The following TEAD3 variants were observed in gnomAD, a reference collection of about 807,000 sequenced individuals.
TEAD3 encodes the protein transcriptional enhancer factor TEF-5.
TEAD3 carries 15 observed loss-of-function variants against 55.6 expected under a neutral mutation model. The observed-to-expected ratio is 0.27, with a 90% confidence interval of 0.18 to 0.42. TEAD3 has a LOEUF of 0.42. Among genes scored for constraint, TEAD3 ranks in the 10% least tolerant of loss-of-function variants. TEAD3 has a pLI of 1.00. For missense variants in TEAD3, 407 were observed against 576.8 expected, an observed-to-expected ratio of 0.71 and a Z score of 3.01; for synonymous variants, 210 against 232.2, an observed-to-expected ratio of 0.90 and a Z score of 0.87.
chr6:35,486,786 G>T lies in TEAD3; in HGVS notation c.-49-75C>A. On this transcript the variant is annotated intron_variant, in intron 1 of 12. Transcript: ENST00000639578. The surrounding 1 kb of genome is among the most constrained non-coding windows in gnomAD (Gnocchi z 7.3). ...GCAATCTCCTATCCCACAGCCGCTG[G>T]CTCTGGAGCTCCGCCCCCAGCCCCA... 1 of 1,078,860 alleles carries T rather than the reference G, an allele frequency of 9.3e-7. No individual in the cohort carries two copies. Among genetic ancestry groups the T allele is most frequent in the Non-Finnish European group, 1.3e-6 (1 of 761,850 alleles). The allele number at this position is 1,078,860 out of a possible 1,614,324, so 66.8% of individuals were successfully genotyped here.
At chr6:35,478,622 C>T in intron 5 of TEAD3, 51 bp from the exon 6 acceptor site, 1 of 1,541,382 alleles carries the variant, frequency 6.5e-7, no homozygotes, top group Non-Finnish European at 8.8e-7. Context: ...TGAGGCCAGG[C>T]TTGCTTTAGC....
rs1485979548 is a variant in TEAD3 at position 35,488,249 on chromosome 6, C to T, written c.-49-1538G>A. 1.3e-5 allele frequency among the ~76,000 whole-genome samples: 2 copies of T among 152,110 alleles called. No individual in the cohort carries two copies. The highest frequency in any genetic ancestry group is 3.9e-4 in the East Asian group (2 of 5,186). On this transcript the variant is annotated intron_variant, in intron 1 of 12. Transcript: ENST00000639578. The surrounding 1 kb of genome is among the most constrained non-coding windows in gnomAD (Gnocchi z 4.2). The stretch of plus-strand genomic sequence containing the variant: ...CGCACCTCCAGGCCCCACAGCAGCC[C>T]GTAAACCACCAACACGCCCGCCCCC...
exon 13 of TEAD3, chr6:35,474,999 G>C (rs1231003524): frequency 6.9e-7 from 1 of 1,444,228 alleles, no homozygotes; most frequent in African/African-American, 1.4e-5. Context: ...CAGGTGTGGA[G>C]AGGAGATGCT....
rs749744053 is a variant in TEAD3, at chr6:35,486,590, T to C, written c.73A>G (p.Lys25Glu). The stretch of plus-strand genomic sequence containing the variant: ...CCCTCCGCATCGTTGTCCAGCCCCT[T>C]GTCCAGGCCCTCGGGCCCATCCTCC... The change falls in exon 2 of 13, where the codon AAG (lysine) becomes GAG (glutamate). Residue 25 changes from lysine to glutamate, a missense_variant. Coordinates refer to ENST00000639578, the Ensembl canonical transcript of TEAD3. This position sits in a 1 kb window ranked among gnomAD's most constrained non-coding sequence, Gnocchi z 7.3. The C allele has an allele frequency of 6.2e-7, 1 of 1,613,530 alleles. No homozygotes were observed. Among genetic ancestry groups the C allele is most frequent in the South Asian group, 1.1e-5 (1 of 91,084 alleles).
Position 35,477,389 on chromosome 6 carries a change from A to G in TEAD3, c.531-17T>C, listed in dbSNP as rs1182265576. ...GGCTTGATGCTGCAGACAGGAGCAC[A>G]GCCTGGTGAGAGGGTTCCCTCTTCC... is the stretch of plus-strand genomic sequence containing the variant. On this transcript the variant is annotated splice_polypyrimidine_tract_variant and intron_variant, in intron 7 of 12. Transcript: ENST00000639578. The G allele has an allele frequency of 6.3e-7, 1 of 1,597,764 alleles. No individual in the cohort carries two copies. Among genetic ancestry groups the G allele is most frequent in the Admixed American group, 1.7e-5 (1 of 59,706 alleles).
At chr6:35,476,560 T>A in intron 8 of TEAD3, 125 bp from the exon 9 acceptor site, 2 of 1,147,858 alleles carry the variant, frequency 1.7e-6, no homozygotes, top group Non-Finnish European at 2.5e-6. Context: ...ACTCCCCTAC[T>A]ATGTGTCCTT....
intron 1 of TEAD3, among the ~76,000 whole-genome samples, chr6:35,490,600 A>G (rs1181537566): frequency 2.6e-5 from 4 of 152,196 alleles, no homozygotes; most frequent in African/African-American, 4.8e-5. Context: ...ACACATGGGC[A>G]GTCGTGGGCA....
chr6:35,477,283 G>T, intron 8 of TEAD3, 28 bp downstream of exon 8: 2 of 1,608,944 alleles, frequency 1.2e-6, no homozygotes. Flanking sequence ...CAGGTGCCAA[G>T]GGAGAGCACC....
At position 35,476,956 on chromosome 6, in the gene TEAD3, G is replaced by C. The variant is rs561349960; in HGVS notation, c.592+355C>G. On this transcript the variant is annotated intron_variant, in intron 8 of 12. Transcript: ENST00000639578. ...TCCTGCCTCAGCCTCCCAAGTAGCTGGGACTATAGCCATGCGCCACCACGC... is the reference window on the plus strand; with the variant it reads ...TCCTGCCTCAGCCTCCCAAGTAGCTCGGACTATAGCCATGCGCCACCACGC... Among the ~76,000 whole-genome samples, 71 of 152,312 alleles carry C rather than the reference G, an allele frequency of 4.7e-4. 1 individual carries two copies. The highest frequency in any genetic ancestry group is 1.7e-3 in the African/African-American group (69 of 41,560).
chr6:35,490,865 C>T (rs1370569137), intron 1 of TEAD3, among the ~76,000 whole-genome samples: 1 of 152,128 alleles, frequency 6.6e-6, no homozygotes, highest in South Asian at 2.1e-4. Flanking sequence ...AAGCTGACTG[C>T]GGGCGAGAGG....
Position 35,484,533 on chromosome 6 carries a change from C to T in TEAD3, c.267+27G>A, listed in dbSNP as rs758598602. ...CAGCTGAGACAGAGTGTGTGGGTGG[C>T]AGGCCCAGCATAAACCGTCTCTCTA... On this transcript the variant is annotated intron_variant, in intron 3 of 12. Coordinates refer to ENST00000639578, the Ensembl canonical transcript of TEAD3. The surrounding 1 kb of genome is among the most constrained non-coding windows in gnomAD (Gnocchi z 5.8). 1.9e-6 allele frequency: 3 copies of T among 1,586,034 alleles called. No individual in the cohort carries two copies. Among genetic ancestry groups the T allele is most frequent in the Admixed American group, 1.8e-5 (1 of 55,868 alleles).
chr6:35,480,523 G>A, intron 3 of TEAD3, 149 bp from the exon 4 acceptor site: 1 of 801,594 alleles, frequency 1.2e-6, no homozygotes, highest in Non-Finnish European at 2.0e-6. Flanking sequence ...TTTTGAAACA[G>A]GGTTTATGTT....
chr6:35,479,918 C>T, intron 4 of TEAD3: 5 of 640,286 alleles, frequency 7.8e-6, no homozygotes, highest in South Asian at 7.0e-5. Flanking sequence ...CTTGGGCTTC[C>T]TGCTGCCACT....
intron 4 of TEAD3, 89 bp from the exon 5 acceptor site, chr6:35,479,405 A>ATGGGCACTGGGTGGAG: frequency 6.5e-7 from 1 of 1,537,122 alleles, no homozygotes; most frequent in Non-Finnish European, 9.0e-7. Context: ...ACCTCCACCC[A>ATGGGCACTGGGTGGAG]GTGCCCATGG....
chr6:35,496,013 C>T lies in TEAD3; in HGVS notation c.-50+885G>A, dbSNP rs540903749. ...CCCCTCACCAGGAAAGTTGACAGAG[C>T]GGGGTCTCAATGACACTGCCCCAGG... On this transcript the variant is annotated intron_variant, in intron 1 of 12. Transcript: ENST00000639578. This position sits in a 1 kb window ranked among gnomAD's most constrained non-coding sequence, Gnocchi z 4.8. Among the ~76,000 whole-genome samples the T allele has an allele frequency of 6.6e-6, 1 of 152,332 alleles. No individual in the cohort carries two copies. Among genetic ancestry groups the T allele is most frequent in the Non-Finnish European group, 1.5e-5 (1 of 68,018 alleles).
In TEAD3 at chr6:35,484,768, C is replaced by A. The variant is rs1026032968; in HGVS notation, c.203-144G>T. 1.4e-6 allele frequency: 1 copy of A among 732,016 alleles called. No homozygotes were observed. Among genetic ancestry groups the A allele is most frequent in the African/African-American group, 1.7e-5 (1 of 57,614 alleles). 45.3% of individuals were successfully genotyped at this position (732,016 alleles called of 1,614,324 possible). A position where few individuals can be genotyped will look rare whatever the true frequency, so the allele number is the denominator to read the frequency against. ...CTCACTCTCTTCACCCCAAGCTGCA[C>A]ATGCAGGGCATGCAAAGGTGGCTGG... On this transcript the variant is annotated intron_variant, in intron 2 of 12. Transcript: ENST00000639578. The surrounding 1 kb of genome is among the most constrained non-coding windows in gnomAD (Gnocchi z 5.8).
Position 35,486,810 on chromosome 6 carries a change from C to A in TEAD3, c.-49-99G>T, listed in dbSNP as rs939834603. ...GGCTCTGGAGCTCCGCCCCCAGCCCCAAGCCCACCCTAGGAGCAGGTGCTC... is the reference window on the plus strand; with the variant it reads ...GGCTCTGGAGCTCCGCCCCCAGCCCAAAGCCCACCCTAGGAGCAGGTGCTC... On this transcript the variant is annotated intron_variant, in intron 1 of 12. Coordinates refer to ENST00000639578, the Ensembl canonical transcript of TEAD3. This position sits in a 1 kb window ranked among gnomAD's most constrained non-coding sequence, Gnocchi z 7.3. 3.7e-6 allele frequency: 3 copies of A among 800,428 alleles called. No homozygotes were observed. The highest frequency in any genetic ancestry group is 2.7e-5 in the East Asian group (1 of 37,070). 49.6% of individuals were successfully genotyped at this position (800,428 alleles called of 1,614,324 possible).
chr6:35,491,592 C>CT lies in TEAD3; in HGVS notation c.-49-4882dup, dbSNP rs968615859. Among the ~76,000 whole-genome samples the CT allele has an allele frequency of 1.3e-5, 2 of 152,198 alleles. No homozygotes were observed. Among genetic ancestry groups the CT allele is most frequent in the Non-Finnish European group, 2.9e-5 (2 of 68,014 alleles). On this transcript the variant is annotated intron_variant, in intron 1 of 12. Coordinates refer to ENST00000639578, the Ensembl canonical transcript of TEAD3. The surrounding 1 kb of genome is among the most constrained non-coding windows in gnomAD (Gnocchi z 4.4). ...TCCTCTCAGAACCCCTCCCATCTGCCTCTGCAGAGGAGTCCTGTTGTACCT... is the reference window on the plus strand; with the variant it reads ...TCCTCTCAGAACCCCTCCCATCTGCCTTCTGCAGAGGAGTCCTGTTGTACCT...
chr6:35,482,485 C>T (rs1303378513), intron 3 of TEAD3, among the ~76,000 whole-genome samples: 1 of 152,192 alleles, frequency 6.6e-6, no homozygotes, highest in Non-Finnish European at 1.5e-5. Context: ...AGCTTATCAA[C>T]AGCTGGTTTG....
Sources: gnomAD v4.1 joint callset for allele counts (sites outside exome capture counted in the v4.1 genomes callset) on GRCh38, gnomAD v4.1.1 for gene constraint, Gnocchi (gnomAD v3.1) non-coding constraint, MANE v1.5 for transcripts, NCBI Gene and HGNC (gene_info 2026-07-23, HGNC 2026-07-21) for gene names.